EXOC6B: variants seen among roughly 807,000 people sequenced by gnomAD.
The protein encoded by EXOC6B is exocyst complex component 6B, also known as SEC15 homolog B.
Under a neutral mutation model 113.5 loss-of-function variants are expected in EXOC6B, and 54 were observed. The observed-to-expected ratio is 0.48, with a 90% CI of 0.38 to 0.60. The LOEUF is 0.60. Ranked by LOEUF, EXOC6B falls within the 20% of genes least tolerant of loss-of-function variation. EXOC6B has a pLI of 0.00. For synonymous variants in EXOC6B, 357 were observed against 339.0 expected (o/e 1.05, Z -0.58); for missense variants, 797 against 977.5 (o/e 0.82, Z 2.46).
At chr2:72,475,966 T>C (rs1365748499) in intron 17 of EXOC6B, among the ~76,000 whole-genome samples, 2 of 152,184 alleles carry the variant, frequency 1.3e-5, no homozygotes, top group Non-Finnish European at 2.9e-5. Flanking sequence ...GTGCTTCTCC[T>C]GCACCTCAGC....
chr2:72,318,722 T>C (rs1687672926), intron 20 of EXOC6B, among the ~76,000 whole-genome samples: 1 of 152,136 alleles, frequency 6.6e-6, no homozygotes, highest in Non-Finnish European at 1.5e-5. Context: ...TAGATATGCA[T>C]CAAATCAGAT....
chr2:72,558,444 G>A, intron 8 of EXOC6B, among the ~76,000 whole-genome samples: 1 of 152,104 alleles, frequency 6.6e-6, no homozygotes, highest in East Asian at 1.9e-4. Context: ...AAATTGTCAG[G>A]AGTAATGACA....
Position 72,575,699 on chromosome 2 carries a change from C to T in EXOC6B, c.670-31G>A, listed in dbSNP as rs367966776. The T allele has an allele frequency of 1.0e-5, 15 of 1,477,734 alleles. No homozygotes were observed. The African/African-American group carries it at 2.2e-4, about 22-fold the overall frequency. 91.5% of individuals were successfully genotyped at this position (1,477,734 alleles called of 1,614,324 possible). The stretch of plus-strand genomic sequence containing the variant: ...ATAGAGAAGAACACACACAAACACA[C>T]CAAAAAGGTGGGGTTAGGGAGAGAG... On this transcript the variant is annotated intron_variant, in intron 6 of 21. Transcript: ENST00000272427.
chr2:72,242,067 C>T (rs907597191), intron 20 of EXOC6B, among the ~76,000 whole-genome samples: 6 of 151,922 alleles, frequency 3.9e-5, no homozygotes, highest in South Asian at 2.1e-4. Flanking sequence ...ATTACCCAGG[C>T]GTAGTGGCAC....
chr2:72,575,540 T>G lies in EXOC6B; in HGVS notation c.798A>C (p.Glu266Asp). Reference protein sequence around the residue: ...TEIESTSPKSEQDSGILDVED... With the variant: ...TEIESTSPKSDQDSGILDVED... ...CAACATCCAGAATTCCTGAATCCTG[T>G]TCAGACTTCGGACTAGTACTTTCTA... is the stretch of plus-strand genomic sequence containing the variant. The change falls in exon 7 of 22, where the codon GAA (glutamate) becomes GAC (aspartate). Residue 266 changes from glutamate (E) to aspartate (D), a missense_variant. By Grantham distance (45) the Glu-to-Asp change is conservative. Coordinates refer to ENST00000272427, the MANE Select transcript of EXOC6B (RefSeq NM_015189.3). The G allele has an allele frequency of 6.2e-7, 1 of 1,610,578 alleles. No individual in the cohort carries two copies. Among genetic ancestry groups the G allele is most frequent in the Non-Finnish European group, 8.5e-7 (1 of 1,178,822 alleles).
intron 18 of EXOC6B, among the ~76,000 whole-genome samples, chr2:72,447,849 C>G (rs1025948177): frequency 3.3e-5 from 5 of 152,056 alleles, no homozygotes; most frequent in African/African-American, 1.2e-4. Context: ...TGCATTAGTC[C>G]TCTCCTCTAA....
rs1002015598 is a variant in EXOC6B, at chr2:72,410,770, T to C, written c.1981-30900A>G. ...TAAATTTGTTTTTGATTTATAGATATATAAGAACTATATGTATAACATTTA... is the reference window on the plus strand; with the variant it reads ...TAAATTTGTTTTTGATTTATAGATACATAAGAACTATATGTATAACATTTA... On this transcript the variant is annotated intron_variant, in intron 18 of 21. Transcript: ENST00000272427. Among the ~76,000 whole-genome samples, 2 of 152,154 alleles carry C rather than the reference T, an allele frequency of 1.3e-5. 1 individual carries two copies. The highest frequency in any genetic ancestry group is 1.3e-4 in the Admixed American group (2 of 15,264).
chr2:72,249,731 T>C (rs1378663335), intron 20 of EXOC6B, among the ~76,000 whole-genome samples: 5 of 152,222 alleles, frequency 3.3e-5, no homozygotes, highest in African/African-American at 1.2e-4. Flanking sequence ...TTGCTTCTTA[T>C]GATCATTCCT....
At position 72,662,636 on chromosome 2, in the gene EXOC6B, G is replaced by A. The variant is rs114209956; in HGVS notation, c.669+55467C>T. Among the ~76,000 whole-genome samples the A allele has an allele frequency of 4.8e-3, 732 of 152,178 alleles. 5 individuals carry two copies. The highest frequency in any genetic ancestry group is 0.016 in the African/African-American group (674 of 41,518). On this transcript the variant is annotated intron_variant, in intron 6 of 21. Transcript: ENST00000272427. ...TATCACTACACATATAAAACCTAGG[G>A]GAAAAAGCCAACAATACCAAGTGCT...
intron 20 of EXOC6B, among the ~76,000 whole-genome samples, chr2:72,187,308 C>A (rs1475884161): frequency 6.6e-6 from 1 of 152,014 alleles, no homozygotes; most frequent in Non-Finnish European, 1.5e-5. Context: ...CTTCTCTTCA[C>A]CCATAATGTG....
At chr2:72,325,557 C>T (rs1688081355) in intron 20 of EXOC6B, among the ~76,000 whole-genome samples, 1 of 151,876 alleles carries the variant, frequency 6.6e-6, no homozygotes, top group African/African-American at 2.4e-5. Context: ...CTTTCATCTT[C>T]TGCTTGTCTT....
At chr2:72,239,356 G>A (rs923849401) in intron 20 of EXOC6B, among the ~76,000 whole-genome samples, 1 of 152,128 alleles carries the variant, frequency 6.6e-6, no homozygotes, top group Non-Finnish European at 1.5e-5. Context: ...TAATTTTTGT[G>A]TGGTATAATT....
intron 2 of EXOC6B, among the ~76,000 whole-genome samples, chr2:72,739,041 A>T (rs747186321): frequency 5.9e-5 from 9 of 152,360 alleles, no homozygotes; most frequent in Non-Finnish European, 1.2e-4. Flanking sequence ...ATACATTTTA[A>T]TCAGCTTTAT....
chr2:72,316,382 A>G (rs900024519), intron 20 of EXOC6B, among the ~76,000 whole-genome samples: 5 of 152,206 alleles, frequency 3.3e-5, no homozygotes, highest in Admixed American at 6.5e-5. Flanking sequence ...CACTAGAGAA[A>G]GTCCTCATGT....
Position 72,636,920 on chromosome 2 carries a change from C to T in EXOC6B, c.670-61252G>A, listed in dbSNP as rs149343477. Among the ~76,000 whole-genome samples the T allele has an allele frequency of 5.4e-4, 82 of 150,644 alleles. 1 individual carries two copies. The highest frequency in any genetic ancestry group is 1.8e-3 in the African/African-American group (73 of 40,950). ...GATAACCTATGTAGATTATTCCAAG[C>T]AATCTACAAAAAAAAAAACTACTAG... On this transcript the variant is annotated intron_variant, in intron 6 of 21. Coordinates refer to ENST00000272427, the MANE Select transcript of EXOC6B (RefSeq NM_015189.3).
intron 18 of EXOC6B, chr2:72,463,509 G>A (rs937925808): frequency 2.0e-5 from 3 of 151,478 alleles, no homozygotes; most frequent in Non-Finnish European, 4.4e-5. Flanking sequence ...GCAACAGACT[G>A]AGAATCTTAA....
intron 18 of EXOC6B, among the ~76,000 whole-genome samples, chr2:72,412,507 C>G: frequency 6.6e-6 from 1 of 152,136 alleles, no homozygotes; most frequent in Non-Finnish European, 1.5e-5. Context: ...TGAATGATTA[C>G]CACAACACTG....
intron 7 of EXOC6B, among the ~76,000 whole-genome samples, chr2:72,565,859 G>A (rs1409204997): frequency 1.3e-5 from 2 of 152,076 alleles, no homozygotes; most frequent in Non-Finnish European, 2.9e-5. Context: ...GTGGGGTATA[G>A]AAAATAGTAC....
At chr2:72,291,333 A>G (rs1054842673) in intron 20 of EXOC6B, among the ~76,000 whole-genome samples, 16 of 152,220 alleles carry the variant, frequency 1.1e-4, no homozygotes, top group Non-Finnish European at 1.5e-5. Context: ...CTGGTCAACT[A>G]TAGCTATTAA....
Sources: gnomAD v4.1 joint callset for allele counts (sites outside exome capture counted in the v4.1 genomes callset) on GRCh38, gnomAD v4.1.1 for gene constraint, MANE v1.5 for transcripts, NCBI Gene and HGNC (gene_info 2026-07-23, HGNC 2026-07-21) for gene names.